Variants in EIF4E3 observed in about 807,000 individuals in gnomAD.
The protein encoded by EIF4E3 is eukaryotic translation initiation factor 4E type 3.
A neutral mutation model predicts 31.7 loss-of-function variants in EIF4E3; 26 were observed. The observed-to-expected ratio is 0.82, with a 90% CI of 0.60 to 1.14. EIF4E3 has a LOEUF of 1.14. EIF4E3 is among the 50% of genes most tolerant of loss of function. The probability of loss-of-function intolerance (pLI) is 0.00; values close to 1 mark genes in which losing one functional copy is unlikely to be tolerated. For missense variants in EIF4E3, 304 were observed against 270.9 expected, an observed-to-expected ratio of 1.12 and a Z score of -0.86; for synonymous variants, 128 against 107.7, an observed-to-expected ratio of 1.19 and a Z score of -1.17.
In EIF4E3 at chr3:71,710,482, G is replaced by A. The variant is rs1300479907; in HGVS notation, c.179C>T (p.Ser60Phe). Reference sequence around the variant, plus strand: ...CTCAGCTGCTGTGGCACCAGGGAGGGATCTAGGCAAGCAGGAGCAGGACAA... The same window carrying A: ...CTCAGCTGCTGTGGCACCAGGGAGGAATCTAGGCAAGCAGGAGCAGGACAA... ...HSSWTFWLDR[S>F]LPGATAAECA... The change falls in exon 2 of 7, where the codon TCC becomes TTC. Residue 60 changes from serine (S) to phenylalanine (F), a missense_variant and splice_region_variant. By Grantham distance (155) the Ser-to-Phe change is radical (BLOSUM62 -2). Transcript: ENST00000425534. 5.8e-6 allele frequency: 9 copies of A among 1,552,092 alleles called. No individual in the cohort carries two copies. The South Asian group carries it at 9.5e-5, about 16-fold the overall frequency.
the EIF4E3 span, among the ~76,000 whole-genome samples, chr3:71,663,023 C>A: frequency 6.6e-6 from 1 of 152,116 alleles, no homozygotes; most frequent in African/African-American, 2.4e-5. Flanking sequence ...GGAAGCGTTT[C>A]TTGGGTTCTA....
chr3:71,698,513 T>C (rs1465328943), intron 3 of EIF4E3, among the ~76,000 whole-genome samples: 6 of 152,208 alleles, frequency 3.9e-5, no homozygotes, highest in Admixed American at 3.9e-4. Flanking sequence ...AAAGAGCCAC[T>C]TGCCCCCTAC....
chr3:71,714,257 G>GGAAA (rs2049427794), intron 1 of EIF4E3, among the ~76,000 whole-genome samples: 1 of 117,694 alleles, frequency 8.5e-6, no homozygotes, highest in Non-Finnish European at 1.8e-5. Flanking sequence ...AAGGAAGGAA[G>GGAAA]GAAGGAAGGA....
intron 1 of EIF4E3, among the ~76,000 whole-genome samples, chr3:71,720,185 T>C (rs986065177): frequency 1.3e-5 from 2 of 151,944 alleles, no homozygotes; most frequent in African/African-American, 4.8e-5. Context: ...TACGTACATA[T>C]GTAAGTATTT....
intron 1 of EIF4E3, among the ~76,000 whole-genome samples, chr3:71,746,246 GTC>G: frequency 6.6e-6 from 1 of 152,194 alleles, no homozygotes. Context: ...CTCCTCATCT[GTC>G]AAACTGGGGT....
intron 1 of EIF4E3, among the ~76,000 whole-genome samples, chr3:71,746,496 G>T (rs971677585): frequency 1.3e-5 from 2 of 152,154 alleles, no homozygotes. Context: ...GGCAAGGCAT[G>T]ACTTATTTCT....
chr3:71,722,797 T>C (rs2049571816), intron 1 of EIF4E3, among the ~76,000 whole-genome samples: 1 of 152,036 alleles, frequency 6.6e-6, no homozygotes, highest in South Asian at 2.1e-4. Flanking sequence ...TGGGGAGGGG[T>C]TGGTAGCTGG....
chr3:71,740,586 T>C (rs1362946669), intron 1 of EIF4E3, among the ~76,000 whole-genome samples: 3 of 152,066 alleles, frequency 2.0e-5, no homozygotes, highest in Non-Finnish European at 4.4e-5. Context: ...ATACAAAAAT[T>C]AGCCGGGCAT....
rs953528587 is a variant in EIF4E3, at chr3:71,677,418, T to G, written c.*7264A>C. 2 of 152,148 alleles carry G rather than the reference T, an allele frequency of 1.3e-5. No individual in the cohort carries two copies. Among genetic ancestry groups the G allele is most frequent in the Non-Finnish European group, 2.9e-5 (2 of 68,022 alleles). 9.4% of individuals were successfully genotyped at this position (152,148 alleles called of 1,614,324 possible). ...AAGGATCACTGAGGAAGAAAAGGCA[T>G]GCATGGTCTTGGCTTCCAAGAAAAC... On this transcript the variant is annotated 3_prime_UTR_variant, in exon 7 of 7. Coordinates refer to ENST00000425534, the MANE Select transcript of EIF4E3 (RefSeq NM_001134651.2).
At chr3:71,689,545 A>G (rs940450067) in intron 6 of EIF4E3, among the ~76,000 whole-genome samples, 2 of 152,216 alleles carry the variant, frequency 1.3e-5, no homozygotes, top group Admixed American at 1.3e-4. Context: ...AGGAAGTATT[A>G]GCATTTCAGT....
At chr3:71,743,700 C>T (rs929097271) in intron 1 of EIF4E3, among the ~76,000 whole-genome samples, 1 of 151,964 alleles carries the variant, frequency 6.6e-6, no homozygotes, top group African/African-American at 2.4e-5. Flanking sequence ...AATAATGCTC[C>T]CTGATTTTAA....
At chr3:71,744,732 G>A (rs559959556) in intron 1 of EIF4E3, among the ~76,000 whole-genome samples, 206 of 152,290 alleles carry the variant, frequency 1.4e-3, no homozygotes, top group Non-Finnish European at 2.6e-3. Flanking sequence ...GTGACAGAGC[G>A]AGACTCCGTC....
chr3:71,686,734 A>C (rs1014290566), intron 6 of EIF4E3, among the ~76,000 whole-genome samples: 6 of 152,134 alleles, frequency 3.9e-5, no homozygotes, highest in Admixed American at 3.9e-4. Flanking sequence ...GACTATCCAA[A>C]GATCTGTGTT....
chr3:71,700,009 C>CA (rs1266878252), intron 2 of EIF4E3, among the ~76,000 whole-genome samples: 1 of 151,968 alleles, frequency 6.6e-6, no homozygotes, highest in Non-Finnish European at 1.5e-5. Context: ...CCCATCTCTA[C>CA]AAAAAATACA....
chr3:71,741,991 A>G (rs987539326), intron 1 of EIF4E3, among the ~76,000 whole-genome samples: 2 of 152,236 alleles, frequency 1.3e-5, no homozygotes, highest in African/African-American at 4.8e-5. Flanking sequence ...CACCTATCAA[A>G]TTCATGGAAT....
chr3:71,734,313 T>G (rs1449138655), intron 1 of EIF4E3, among the ~76,000 whole-genome samples: 2 of 152,220 alleles, frequency 1.3e-5, no homozygotes, highest in Non-Finnish European at 2.9e-5. Flanking sequence ...AAATATATAC[T>G]GTGGTTGACA....
chr3:71,675,029 C>G (rs1559581643), downstream of EIF4E3, among the ~76,000 whole-genome samples: 1 of 152,162 alleles, frequency 6.6e-6, no homozygotes, highest in Non-Finnish European at 1.5e-5. Context: ...AGTTCAAATC[C>G]AGAGAGAATC....
intron 2 of EIF4E3, among the ~76,000 whole-genome samples, chr3:71,700,167 C>T (rs923478454): frequency 6.6e-6 from 1 of 151,996 alleles, no homozygotes; most frequent in African/African-American, 2.4e-5. Context: ...AGGAGTGAGC[C>T]CCTGCCTCAA....
intron 4 of EIF4E3, 109 bp from the exon 5 acceptor site, chr3:71,694,050 T>G: frequency 9.3e-7 from 1 of 1,078,556 alleles, no homozygotes; most frequent in Non-Finnish European, 1.3e-6. Flanking sequence ...ACATGCACTT[T>G]CTGTGCCCAT....
Sources: allele counts gnomAD v4.1 joint callset (sites outside exome capture counted in the v4.1 genomes callset), GRCh38; gene constraint gnomAD v4.1.1; transcripts MANE v1.5; gene names NCBI Gene and HGNC (gene_info 2026-07-23, HGNC 2026-07-21).